Variants in SEMA3A observed in about 807,000 individuals in gnomAD.
SEMA3A encodes the protein semaphorin-3A.
A neutral mutation model predicts 97.9 loss-of-function variants in SEMA3A; 29 were observed. The ratio of observed to expected loss-of-function variants is 0.30; its 90% CI spans 0.22 to 0.40. SEMA3A has a LOEUF of 0.40. Ranked by LOEUF, SEMA3A falls within the 10% of genes least tolerant of loss-of-function variation. The pLI is 1.00. For missense variants in SEMA3A, 763 were observed against 951.3 expected, an observed-to-expected ratio of 0.80 and a Z score of 2.60; for synonymous variants, 321 against 323.7, an observed-to-expected ratio of 0.99 and a Z score of 0.09.
At chr7:84,129,254 T>G in intron 2 of SEMA3A, 69 bp from the exon 3 acceptor site, 1 of 1,279,158 alleles carries the variant, frequency 7.8e-7, no homozygotes, top group Non-Finnish European at 1.1e-6. Context: ...CCATATAGTC[T>G]TTTAGATGAC....
chr7:84,026,764 G>A (rs1791563119), intron 6 of SEMA3A, among the ~76,000 whole-genome samples: 1 of 152,104 alleles, frequency 6.6e-6, no homozygotes, highest in Non-Finnish European at 1.5e-5. Flanking sequence ...ACCAACTACT[G>A]CATGTTCTCA....
intron 1 of SEMA3A, among the ~76,000 whole-genome samples, chr7:84,471,325 A>T (rs1806141259): frequency 6.6e-6 from 1 of 152,044 alleles, no homozygotes. Context: ...AAGGCTGACA[A>T]TTTTTCTGAT....
intron 2 of SEMA3A, among the ~76,000 whole-genome samples, chr7:84,131,769 A>AGATT (rs1360406309): frequency 1.6e-5 from 2 of 121,242 alleles, no homozygotes; most frequent in Non-Finnish European, 3.3e-5. Context: ...ATGTATAAAC[A>AGATT]AATTATTTAT....
At chr7:84,395,049 A>G (rs973638793) in intron 1 of SEMA3A, among the ~76,000 whole-genome samples, 1 of 152,154 alleles carries the variant, frequency 6.6e-6, no homozygotes, top group Non-Finnish European at 1.5e-5. Flanking sequence ...GGGATAAGAT[A>G]GGAGATTGGT....
intron 1 of SEMA3A, among the ~76,000 whole-genome samples, chr7:84,428,226 G>C (rs187639101): frequency 9.8e-4 from 149 of 152,148 alleles, no homozygotes; most frequent in African/African-American, 3.2e-3. Flanking sequence ...TGGAAGTCAA[G>C]TTCCTGCTTT....
rs182506825 is a variant in SEMA3A at position 84,448,833 on chromosome 7, C to T, written c.-246+43627G>A. Among the ~76,000 whole-genome samples, 272 of 151,414 alleles carry T rather than the reference C, an allele frequency of 1.8e-3. 3 individuals are homozygous for T. The highest frequency in any genetic ancestry group is 1.7e-3 in the Non-Finnish European group (112 of 67,836). ...TGTGCATGAAAGCACAAAAAAGCTC[C>T]AATACCCAAAACAATCTTGAAGAAG... is the stretch of plus-strand genomic sequence containing the variant. On this transcript the variant is annotated intron_variant, in intron 1 of 3. Coordinates refer to the SEMA3A transcript ENST00000424555.
chr7:84,468,817 C>CT (rs368468249), intron 1 of SEMA3A, among the ~76,000 whole-genome samples: 3,840 of 146,566 alleles, frequency 0.026, 155 homozygotes, highest in African/African-American at 0.09. Context: ...TTTTTATTTT[C>CT]TTTTTTTTTT....
intron 3 of SEMA3A, among the ~76,000 whole-genome samples, chr7:84,223,291 G>A (rs933050826): frequency 1.3e-5 from 2 of 151,786 alleles, no homozygotes. Flanking sequence ...CCATATAGAG[G>A]TGTGTATGTA....
chr7:84,225,400 A>G (rs780589559), intron 3 of SEMA3A, among the ~76,000 whole-genome samples: 10 of 152,188 alleles, frequency 6.6e-5, no homozygotes, highest in South Asian at 4.1e-4. Context: ...AAAATCCCCA[A>G]ACCAGTTTAT....
At chr7:84,166,277 A>G (rs1229076381) in intron 1 of SEMA3A, among the ~76,000 whole-genome samples, 1 of 129,210 alleles carries the variant, frequency 7.7e-6, no homozygotes, top group Non-Finnish European at 1.5e-5. Context: ...GACCCTGTGG[A>G]AAAAAAAAAA....
intron 3 of SEMA3A, among the ~76,000 whole-genome samples, chr7:84,249,580 T>G (rs1288696899): frequency 6.6e-6 from 1 of 151,698 alleles, no homozygotes; most frequent in Admixed American, 6.6e-5. Flanking sequence ...TTGTTTATAG[T>G]GCTAAAAATG....
chr7:84,110,982 A>T (rs527656128), intron 3 of SEMA3A, among the ~76,000 whole-genome samples: 5 of 152,260 alleles, frequency 3.3e-5, no homozygotes, highest in African/African-American at 9.6e-5. Flanking sequence ...GATGGGGAAA[A>T]TTTACTTGCA....
chr7:84,343,846 A>G (rs1262679141), intron 2 of SEMA3A, among the ~76,000 whole-genome samples: 1 of 152,018 alleles, frequency 6.6e-6, no homozygotes, highest in East Asian at 1.9e-4. Context: ...AAAACAAAAC[A>G]AACAAACAAA....
intron 1 of SEMA3A, among the ~76,000 whole-genome samples, chr7:84,146,691 T>C (rs1286935138): frequency 6.6e-6 from 1 of 152,216 alleles, no homozygotes; most frequent in Non-Finnish European, 1.5e-5. Flanking sequence ...CTCGTTTTTG[T>C]GTGAGATGAT....
chr7:84,064,732 T>A (rs1258704846), intron 4 of SEMA3A, among the ~76,000 whole-genome samples: 2 of 150,616 alleles, frequency 1.3e-5, no homozygotes, highest in Non-Finnish European at 3.0e-5. Flanking sequence ...ATCCTAAATA[T>A]ATATGCACCC....
chr7:84,166,311 C>T (rs1027822101), intron 1 of SEMA3A, among the ~76,000 whole-genome samples: 45 of 150,300 alleles, frequency 3.0e-4, no homozygotes, highest in Non-Finnish European at 5.9e-4. Flanking sequence ...CAGTGGCTCA[C>T]ACCTGTAATC....
chr7:84,021,876 G>A (rs780786965), intron 6 of SEMA3A, among the ~76,000 whole-genome samples: 3 of 152,108 alleles, frequency 2.0e-5, no homozygotes, highest in Non-Finnish European at 2.9e-5. Context: ...ACTTGAAAAT[G>A]TTTAGGTTGT....
intron 1 of SEMA3A, among the ~76,000 whole-genome samples, chr7:84,452,331 G>A (rs902335877): frequency 3.9e-5 from 6 of 152,062 alleles, no homozygotes; most frequent in South Asian, 2.1e-4. Context: ...GATGAGTGAC[G>A]TGCCATAAGG....
At chr7:83,980,623 A>AAAAAAAAAAATATAT (rs1310318006) in intron 14 of SEMA3A, among the ~76,000 whole-genome samples, 14 of 71,748 alleles carry the variant, frequency 2.0e-4, no homozygotes, top group African/African-American at 8.3e-4. Flanking sequence ...AAAAAAAAAA[A>AAAAAAAAAAATATAT]ATATATATAT....
Sources: allele counts gnomAD v4.1 joint callset (sites outside exome capture counted in the v4.1 genomes callset), GRCh38; gene constraint gnomAD v4.1.1; transcripts MANE v1.5; gene names NCBI Gene and HGNC (gene_info 2026-07-23, HGNC 2026-07-21).